ADAMTS18: variants seen among roughly 807,000 people sequenced by gnomAD.
ADAMTS18 encodes the protein ADAM metallopeptidase with thrombospondin type 1 motif 18, also known as A disintegrin and metalloproteinase with thrombospondin motifs 18.
ADAMTS18 carries 157 observed loss-of-function variants against 165.9 expected under a neutral mutation model. The observed-to-expected ratio is 0.95, with a 90% CI of 0.83 to 1.08. The LOEUF (loss-of-function observed/expected upper bound fraction) is 1.08. Among genes scored for constraint, ADAMTS18 ranks in the 50% least tolerant of loss-of-function variants. The pLI, the probability that ADAMTS18 is intolerant of heterozygous loss-of-function variation, is 0.00. For synonymous variants in ADAMTS18, 782 were observed against 578.2 expected, an observed-to-expected ratio of 1.35 and a Z score of -5.06; for missense variants, 2,040 against 1,534.0, an observed-to-expected ratio of 1.33 and a Z score of -5.51.
At chr16:77,387,479 C>A (rs78638891) in intron 3 of ADAMTS18, among the ~76,000 whole-genome samples, 5,657 of 152,270 alleles carry the variant, frequency 0.037, 161 homozygotes, top group African/African-American at 0.063. Context: ...ATGCACTACT[C>A]AAGAGTACAC....
intron 21 of ADAMTS18, chr16:77,290,611 C>G (rs1043430253): frequency 1.3e-5 from 2 of 155,054 alleles, no homozygotes; most frequent in Admixed American, 1.3e-4. Flanking sequence ...AGGTGGGGAG[C>G]ACCCGAGTCC....
intron 16 of ADAMTS18, among the ~76,000 whole-genome samples, chr16:77,315,125 G>A (rs2055863825): frequency 6.6e-6 from 1 of 151,904 alleles, no homozygotes; most frequent in Non-Finnish European, 1.5e-5. Context: ...TACTCTTGGA[G>A]ACTAATCCTT....
chr16:77,376,968 C>T (rs1374007249), intron 3 of ADAMTS18, among the ~76,000 whole-genome samples: 1 of 152,008 alleles, frequency 6.6e-6, no homozygotes, highest in African/African-American at 2.4e-5. Flanking sequence ...GCGCCCACCA[C>T]CACTCTCGGC....
At chr16:77,302,497 C>T (rs976402463) in intron 16 of ADAMTS18, among the ~76,000 whole-genome samples, 3 of 152,124 alleles carry the variant, frequency 2.0e-5, no homozygotes, top group South Asian at 4.1e-4. Flanking sequence ...ACAAAGAGGT[C>T]GCATCACACA....
chr16:77,434,698 TC>T lies in ADAMTS18; in HGVS notation c.-4del. On this transcript the variant is annotated 5_prime_UTR_variant, in exon 1 of 23. The change abolishes the stop of an existing upstream ORF in the 5' untranslated region. Coordinates refer to ENST00000282849, the MANE Select transcript of ADAMTS18 (RefSeq NM_199355.4). ...GCGAGCAGGAGGGCGCACTCCATGG[TC>T]AGGTGCGGACGCGGCGGCTGCGGGT... 1.4e-6 allele frequency: 2 copies of T among 1,458,410 alleles called. No individual in the cohort carries two copies. The highest frequency in any genetic ancestry group is 1.8e-6 in the Non-Finnish European group (2 of 1,109,732). 90.3% of individuals were successfully genotyped at this position (1,458,410 alleles called of 1,614,324 possible).
chr16:77,362,757 G>A (rs2056734307), intron 6 of ADAMTS18, among the ~76,000 whole-genome samples: 1 of 152,144 alleles, frequency 6.6e-6, no homozygotes, highest in African/African-American at 2.4e-5. Flanking sequence ...GGATAAGAGA[G>A]GACCTACCCT....
At position 77,408,887 on chromosome 16, in the gene ADAMTS18, G is replaced by A. The variant is rs568022307; in HGVS notation, c.495+22408C>T. ...TTTCAGTTACTCAAAGTCAACCACA[G>A]TCTTAAAATAGATGAGTAATTATAA... On this transcript the variant is annotated intron_variant, in intron 3 of 22. Coordinates refer to ENST00000282849, the MANE Select transcript of ADAMTS18 (RefSeq NM_199355.4). Among the ~76,000 whole-genome samples, 43 of 152,192 alleles carry A rather than the reference G, an allele frequency of 2.8e-4. No individual in the cohort carries two copies. In the Middle Eastern group the frequency reaches 0.01, roughly 36 times the overall value.
chr16:77,340,906 G>A (rs1324090303), intron 11 of ADAMTS18, among the ~76,000 whole-genome samples: 1 of 152,002 alleles, frequency 6.6e-6, no homozygotes, highest in East Asian at 1.9e-4. Context: ...ATTTTTTTCT[G>A]TATAGGTTTA....
intron 6 of ADAMTS18, among the ~76,000 whole-genome samples, chr16:77,363,477 C>T (rs2056745224): frequency 6.6e-6 from 1 of 151,814 alleles, no homozygotes; most frequent in South Asian, 2.1e-4. Flanking sequence ...TTTGCGAAGC[C>T]TACATAAGAT....
chr16:77,291,458 C>T lies in ADAMTS18; in HGVS notation c.3210G>A (p.Leu1070=), dbSNP rs1321716871. Residue 1070 remains leucine (L), a synonymous_variant, in exon 21 of 23, where the codon TTG becomes TTA. Transcript: ENST00000282849. ...SWSECSATCG[L]GVRKREMKCS... is the part of the protein sequence containing the mutation. ...ACTTCATCTCCCTCTTCCTCACACC[C>T]AAACCACAGGTTGCAGAACACTAGG... is the stretch of plus-strand genomic sequence containing the variant. The T allele has an allele frequency of 1.3e-5, 21 of 1,614,062 alleles. No individual in the cohort carries two copies.
intron 10 of ADAMTS18, among the ~76,000 whole-genome samples, chr16:77,343,767 A>C (rs2056434136): frequency 6.6e-6 from 1 of 152,198 alleles, no homozygotes; most frequent in African/African-American, 2.4e-5. Flanking sequence ...CTAACAGTTA[A>C]AGTTGATATT....
At chr16:77,379,222 G>C (rs1328800775) in intron 3 of ADAMTS18, among the ~76,000 whole-genome samples, 1 of 152,104 alleles carries the variant, frequency 6.6e-6, no homozygotes, top group Admixed American at 6.5e-5. Context: ...CCACCATAAG[G>C]TTCACCAATT....
chr16:77,330,075 T>A (rs983578846), intron 12 of ADAMTS18, among the ~76,000 whole-genome samples: 5 of 152,188 alleles, frequency 3.3e-5, no homozygotes, highest in Non-Finnish European at 7.3e-5. Flanking sequence ...ATATGGAAGA[T>A]TCAGAAATCA....
At chr16:77,383,805 C>T (rs76004310) in intron 3 of ADAMTS18, among the ~76,000 whole-genome samples, 4,371 of 152,156 alleles carry the variant, frequency 0.029, 216 homozygotes, top group African/African-American at 0.1. Context: ...CCTCCCAAAG[C>T]GCTGGGATTA....
chr16:77,372,055 A>C (rs1028784997), intron 3 of ADAMTS18, among the ~76,000 whole-genome samples: 1 of 152,210 alleles, frequency 6.6e-6, no homozygotes, highest in African/African-American at 2.4e-5. Flanking sequence ...AGGGAAATGC[A>C]AATCAAAACC....
chr16:77,393,228 C>A (rs772658688), intron 3 of ADAMTS18, among the ~76,000 whole-genome samples: 2 of 152,182 alleles, frequency 1.3e-5, no homozygotes, highest in African/African-American at 2.4e-5. Context: ...CAATGTGCAG[C>A]CCTCCTGGGT....
At chr16:77,339,285 A>C (rs1034350368) in intron 11 of ADAMTS18, among the ~76,000 whole-genome samples, 1 of 152,120 alleles carries the variant, frequency 6.6e-6, no homozygotes, top group Non-Finnish European at 1.5e-5. Flanking sequence ...GAACTTATTA[A>C]GATGCTTTCT....
chr16:77,311,700 G>GGTTTTTTTT (rs141522765), intron 16 of ADAMTS18, among the ~76,000 whole-genome samples: 1 of 94,228 alleles, frequency 1.1e-5, no homozygotes, highest in African/African-American at 3.7e-5. Context: ...GATTACTGGA[G>GGTTTTTTTT]TTTTCTTTTT....
rs1467729130 is a variant in ADAMTS18, at chr16:77,341,864, G to A, written c.1615-65C>T. 5.1e-6 allele frequency: 6 copies of A among 1,168,616 alleles called. No individual in the cohort carries two copies. The East Asian group carries it at 1.0e-4, about 20-fold the overall frequency. 72.4% of individuals were successfully genotyped at this position (1,168,616 alleles called of 1,614,324 possible). A position where few individuals can be genotyped will look rare whatever the true frequency, so the allele number is the denominator to read the frequency against. On this transcript the variant is annotated intron_variant, in intron 10 of 22. Transcript: ENST00000282849. The stretch of plus-strand genomic sequence containing the variant: ...TACAATAAAAACAAAAATATTCAAA[G>A]ATGTTGTATATAATATTATATTTTG...
Sources: gnomAD v4.1 joint callset for allele counts (sites outside exome capture counted in the v4.1 genomes callset) on GRCh38, gnomAD v4.1.1 for gene constraint, MANE v1.5 for transcripts, NCBI Gene and HGNC (gene_info 2026-07-23, HGNC 2026-07-21) for gene names.